The following PSD3 variants were observed in gnomAD, a reference collection of about 807,000 sequenced individuals.
The protein encoded by PSD3 is PH and SEC7 domain-containing protein 3.
In PSD3, 49 loss-of-function variants were observed where a neutral mutation model predicts 105.5. The ratio of observed to expected loss-of-function variants is 0.46; its 90% CI spans 0.37 to 0.59. PSD3 has a LOEUF of 0.59. Ranked by LOEUF, PSD3 falls within the 20% of genes least tolerant of loss-of-function variation. The pLI, the probability that PSD3 is intolerant of heterozygous loss-of-function variation, is 0.00. For synonymous variants in PSD3, 557 were observed against 457.8 expected (o/e 1.22, Z -2.77); for missense variants, 1,561 against 1,263.8 (o/e 1.24, Z -3.57).
At chr8:18,549,587 T>C (rs571138344) in intron 15 of PSD3, among the ~76,000 whole-genome samples, 12 of 152,326 alleles carry the variant, frequency 7.9e-5, no homozygotes, top group African/African-American at 2.6e-4. Context: ...TGTACTCTTG[T>C]CTGTGGTATA....
intron 1 of PSD3, among the ~76,000 whole-genome samples, chr8:18,964,147 G>C (rs1824102124): frequency 6.6e-6 from 1 of 152,120 alleles, no homozygotes; most frequent in African/African-American, 2.4e-5. Context: ...TTCTGTTTTT[G>C]AGAGTGTTGC....
At chr8:18,569,463 G>C (rs1252839801) in intron 14 of PSD3, among the ~76,000 whole-genome samples, 5 of 150,036 alleles carry the variant, frequency 3.3e-5, no homozygotes, top group African/African-American at 1.2e-4. Flanking sequence ...ACCAACAACA[G>C]ACAAACAGAG....
chr8:18,700,015 G>A (rs989181969), intron 9 of PSD3, among the ~76,000 whole-genome samples: 1 of 152,076 alleles, frequency 6.6e-6, no homozygotes, highest in Non-Finnish European at 1.5e-5. Flanking sequence ...TAAAATTCCT[G>A]GGAAAAAATT....
At chr8:18,640,261 A>G (rs1807548897) in intron 10 of PSD3, among the ~76,000 whole-genome samples, 1 of 152,142 alleles carries the variant, frequency 6.6e-6, no homozygotes, top group South Asian at 2.1e-4. Flanking sequence ...AAATACTGCA[A>G]AAAGCCTCTC....
chr8:18,940,825 G>A lies in PSD3; in HGVS notation c.22-4683C>T, dbSNP rs533161586. The stretch of plus-strand genomic sequence containing the variant: ...GGTATAATGGCATGGAGATCTATCC[G>A]TCTTGCAGTTGCCAAAAACCACGCT... On this transcript the variant is annotated intron_variant, in intron 1 of 15. Transcript: ENST00000327040. Among the ~76,000 whole-genome samples, 15 of 152,190 alleles carry A rather than the reference G, an allele frequency of 9.9e-5. No individual in the cohort carries two copies. The South Asian group carries it at 1.7e-3, about 17-fold the overall frequency.
At chr8:18,691,033 C>T (rs1352851672) in intron 9 of PSD3, among the ~76,000 whole-genome samples, 1 of 151,902 alleles carries the variant, frequency 6.6e-6, no homozygotes, top group East Asian at 1.9e-4. Flanking sequence ...ATGATTTGTA[C>T]AACCTATGAG....
At chr8:18,703,308 T>C (rs1488123361) in intron 9 of PSD3, among the ~76,000 whole-genome samples, 3 of 152,178 alleles carry the variant, frequency 2.0e-5, no homozygotes, top group Non-Finnish European at 2.9e-5. Flanking sequence ...AGCCTGCCAC[T>C]GATGAACCAA....
chr8:19,013,141 C>T (rs1043898179), intron 1 of PSD3, among the ~76,000 whole-genome samples: 2 of 152,066 alleles, frequency 1.3e-5, no homozygotes, highest in African/African-American at 4.8e-5. Context: ...ATAATCTTCC[C>T]TTGTCCGTTT....
intron 8 of PSD3, among the ~76,000 whole-genome samples, chr8:18,789,651 T>G (rs899427923): frequency 6.6e-6 from 1 of 152,136 alleles, no homozygotes; most frequent in African/African-American, 2.4e-5. Context: ...CCCTAAAATT[T>G]GAAAAGATAA....
intron 1 of PSD3, among the ~76,000 whole-genome samples, chr8:18,976,283 GC>G (rs1432408522): frequency 1.3e-5 from 2 of 151,960 alleles, no homozygotes; most frequent in African/African-American, 4.8e-5. Flanking sequence ...AAATACAAAT[GC>G]CCAATAAAGA....
At chr8:18,678,936 G>A (rs1291865998) in intron 9 of PSD3, among the ~76,000 whole-genome samples, 2 of 119,830 alleles carry the variant, frequency 1.7e-5, no homozygotes, top group East Asian at 2.3e-4. Context: ...ATATGCTTAA[G>A]TTTTTCTTTT....
intron 8 of PSD3, 119 bp downstream of exon 8, chr8:18,799,176 T>G: frequency 2.3e-6 from 2 of 852,702 alleles, no homozygotes; most frequent in South Asian, 2.9e-5. Flanking sequence ...TTTATTCACC[T>G]GCCATGGGAA....
In PSD3 at chr8:18,533,448, A is replaced by C. The variant is rs184165187; in HGVS notation, c.*2295T>G. 122 of 152,348 alleles carry C rather than the reference A, an allele frequency of 8.0e-4. No individual in the cohort carries two copies. Among genetic ancestry groups the C allele is most frequent in the Middle Eastern group, 3.4e-3 (1 of 294 alleles). The allele number at this position is 152,348 out of a possible 1,614,324, so 9.4% of individuals were successfully genotyped here. A position where few individuals can be genotyped will look rare whatever the true frequency, so the allele number is the denominator to read the frequency against. ...TCCAGAAGTCCCTGGAGTTAATATTAGTGACTCATATGACACGGACAGTGC... is the reference window on the plus strand; with the variant it reads ...TCCAGAAGTCCCTGGAGTTAATATTCGTGACTCATATGACACGGACAGTGC... On this transcript the variant is annotated 3_prime_UTR_variant, in exon 16 of 16. Transcript: ENST00000327040.
intron 11 of PSD3, among the ~76,000 whole-genome samples, chr8:18,602,887 G>C (rs1804536689): frequency 6.6e-6 from 1 of 152,158 alleles, no homozygotes; most frequent in African/African-American, 2.4e-5. Flanking sequence ...CTCATCATGA[G>C]GACTGTAGAA....
At chr8:18,759,180 A>C (rs113077873) in intron 9 of PSD3, among the ~76,000 whole-genome samples, 312 of 151,792 alleles carry the variant, frequency 2.1e-3, no homozygotes, top group African/African-American at 7.3e-3. Flanking sequence ...AAAGTTCATA[A>C]ATTCCCAAGT....
intron 1 of PSD3, among the ~76,000 whole-genome samples, chr8:19,077,002 G>C (rs932703967): frequency 6.6e-6 from 1 of 152,060 alleles, no homozygotes; most frequent in Non-Finnish European, 1.5e-5. Context: ...TCCTAGTCTT[G>C]ATTGTTTATT....
At chr8:18,599,296 G>C (rs1216330676) in intron 12 of PSD3, among the ~76,000 whole-genome samples, 3 of 152,120 alleles carry the variant, frequency 2.0e-5, no homozygotes, top group South Asian at 2.1e-4. Context: ...ATGTACTGTT[G>C]TTCAGGTATA....
chr8:19,070,380 A>G (rs1829213299), intron 1 of PSD3, among the ~76,000 whole-genome samples: 1 of 151,708 alleles, frequency 6.6e-6, no homozygotes, highest in African/African-American at 2.4e-5. Flanking sequence ...AAAAAAAAAA[A>G]AAAAACCCAC....
chr8:18,893,480 C>T (rs1361752503), intron 2 of PSD3, among the ~76,000 whole-genome samples: 1 of 152,130 alleles, frequency 6.6e-6, no homozygotes, highest in Non-Finnish European at 1.5e-5. Context: ...AACTCTAAGC[C>T]GTTTCTTTTT....
Sources: allele counts gnomAD v4.1 joint callset (sites outside exome capture counted in the v4.1 genomes callset), GRCh38; gene constraint gnomAD v4.1.1; transcripts MANE v1.5; gene names NCBI Gene and HGNC (gene_info 2026-07-23, HGNC 2026-07-21).